Variants in ZNF286A observed in about 807,000 individuals in gnomAD.
The protein encoded by ZNF286A is zinc finger protein ZNF286.
In ZNF286A, 34 loss-of-function variants were observed where a neutral mutation model predicts 49.3. That is an observed-to-expected ratio of 0.69 (90% CI 0.52 to 0.92). ZNF286A has a LOEUF of 0.92. Among genes scored for constraint, ZNF286A ranks in the 40% least tolerant of loss-of-function variants. The pLI, the probability that ZNF286A is intolerant of heterozygous loss-of-function variation, is 0.00. For synonymous variants in ZNF286A, 155 were observed against 200.4 expected (o/e 0.77, Z 1.91); for missense variants, 462 against 600.2 (o/e 0.77, Z 2.41).
chr17:15,702,700 T>C (rs1296555001), intron 3 of ZNF286A, among the ~76,000 whole-genome samples: 1 of 152,238 alleles, frequency 6.6e-6, no homozygotes, highest in Non-Finnish European at 1.5e-5. Context: ...CTGTCTCCAT[T>C]GGCTTCTCAA....
intron 3 of ZNF286A, among the ~76,000 whole-genome samples, chr17:15,705,715 A>G (rs62071720): frequency 0.3 from 46,335 of 152,016 alleles, 7,304 homozygotes; most frequent in East Asian, 0.48. Context: ...CCTGTTGTCT[A>G]TGGGTTTACT....
At position 15,709,546 on chromosome 17, in the gene ZNF286A, G is replaced by A. The variant is rs191584272; in HGVS notation, c.334+1299G>A. Among the ~76,000 whole-genome samples, 995 of 151,832 alleles carry A rather than the reference G, an allele frequency of 6.6e-3. 17 individuals carry two copies. The highest frequency in any genetic ancestry group is 0.023 in the African/African-American group (941 of 41,434). On this transcript the variant is annotated intron_variant, in intron 5 of 5. Coordinates refer to ENST00000583566, the MANE Select transcript of ZNF286A (RefSeq NM_001130842.2). ...ACCCTTTTATTCTCTTTCTCCCCTA[G>A]AAGTAACCATTATATCTTGAAATTG...
At chr17:15,710,393 T>G (rs191934550) in intron 5 of ZNF286A, among the ~76,000 whole-genome samples, 156 of 152,320 alleles carry the variant, frequency 1.0e-3, no homozygotes, top group Non-Finnish European at 1.9e-3. Context: ...CAGGTATTTA[T>G]TTTTGTATAT....
At chr17:15,714,412 A>G (rs1340050495) in intron 5 of ZNF286A, among the ~76,000 whole-genome samples, 13 of 152,104 alleles carry the variant, frequency 8.5e-5, no homozygotes, top group African/African-American at 3.1e-4. Context: ...ATACTTGAGG[A>G]TCTTTACCTC....
intron 5 of ZNF286A, among the ~76,000 whole-genome samples, chr17:15,712,881 C>G (rs1329039541): frequency 6.6e-6 from 1 of 152,074 alleles, no homozygotes; most frequent in Non-Finnish European, 1.5e-5. Context: ...TGAAATCTGG[C>G]TTTTACTCAT....
rs770013427 is a variant in ZNF286A, at chr17:15,717,028, A to G, written c.1304A>G (p.Glu435Gly). 6 of 1,614,138 alleles carry G rather than the reference A, an allele frequency of 3.7e-6. No individual in the cohort carries two copies. In the South Asian group the frequency reaches 6.6e-5, roughly 18 times the overall value. ...LVQHQRIHTG[E>G]KPYECNECGK... Reference sequence around the variant, plus strand: ...CAACATCAGAGAATTCACACTGGAGAGAAACCCTATGAGTGTAATGAATGT... The same window carrying G: ...CAACATCAGAGAATTCACACTGGAGGGAAACCCTATGAGTGTAATGAATGT... The change falls in exon 6 of 6, where the codon GAG becomes GGG. Residue 435 changes from glutamate to glycine, a missense_variant. By Grantham distance (98) the Glu-to-Gly change is moderately conservative. Around this residue, in one of 3 missense-constraint regions of ZNF286A, gnomAD observed 201 missense variants for 311.3 expected, o/e 0.65. Coordinates refer to ENST00000583566, the MANE Select transcript of ZNF286A (RefSeq NM_001130842.2).
chr17:15,714,937 T>A (rs1441271581), intron 5 of ZNF286A, among the ~76,000 whole-genome samples: 1 of 152,082 alleles, frequency 6.6e-6, no homozygotes, highest in Non-Finnish European at 1.5e-5. Context: ...ATCTATGTTT[T>A]GTTCACTGAC....
intron 5 of ZNF286A, among the ~76,000 whole-genome samples, chr17:15,713,051 T>C (rs1966869937): frequency 6.6e-6 from 1 of 152,214 alleles, no homozygotes; most frequent in Non-Finnish European, 1.5e-5. Context: ...ATAGTTACTA[T>C]ACTACAAGTT....
intron 3 of ZNF286A, chr17:15,704,771 G>C: frequency 6.2e-7 from 1 of 1,614,034 alleles, no homozygotes; most frequent in Non-Finnish European, 8.5e-7. Flanking sequence ...ATGGTGACCT[G>C]GAGGTCGGTG....
At position 15,701,146 on chromosome 17, in the gene ZNF286A, C is replaced by T. The variant is rs1433779607; in HGVS notation, c.38-6C>T. On this transcript the variant is annotated splice_polypyrimidine_tract_variant and splice_region_variant and intron_variant, in intron 2 of 5. Coordinates refer to ENST00000583566, the MANE Select transcript of ZNF286A (RefSeq NM_001130842.2). ...GGTCTCATCATTACTGCTTTCTTGT[C>T]GTTAGCTCTGTCTTCCCAGGATTCT... 7 of 1,613,946 alleles carry T rather than the reference C, an allele frequency of 4.3e-6. No homozygotes were observed. The highest frequency in any genetic ancestry group is 5.1e-6 in the Non-Finnish European group (6 of 1,179,994).
intron 5 of ZNF286A, among the ~76,000 whole-genome samples, chr17:15,709,457 A>G (rs1016894014): frequency 3.3e-5 from 5 of 152,100 alleles, no homozygotes; most frequent in African/African-American, 1.2e-4. Context: ...ATGCCATTGC[A>G]CTCCAGCCTG....
chr17:15,704,761 A>G (rs1990074936), intron 3 of ZNF286A: 10 of 1,614,004 alleles, frequency 6.2e-6, no homozygotes, highest in Non-Finnish European at 7.6e-6. Context: ...AGGGCCCTCG[A>G]TGGTGACCTG....
chr17:15,710,247 G>A (rs1354388788), intron 5 of ZNF286A, among the ~76,000 whole-genome samples: 2 of 151,898 alleles, frequency 1.3e-5, no homozygotes. Context: ...TTTATTTTCT[G>A]GTGTGTTAGG....
rs938323059 is a variant in ZNF286A, at chr17:15,711,868, C to T, written c.334+3621C>T. Among the ~76,000 whole-genome samples the T allele has an allele frequency of 0.01, 954 of 92,416 alleles. 107 individuals are homozygous for T. The East Asian group carries it at 0.21, about 20-fold the overall frequency. The allele number at this position is 92,416 out of a possible 152,430, so 60.6% of individuals were successfully genotyped here. A position where few individuals can be genotyped will look rare whatever the true frequency, so the allele number is the denominator to read the frequency against. On this transcript the variant is annotated intron_variant, in intron 5 of 5. Coordinates refer to ENST00000583566, the MANE Select transcript of ZNF286A (RefSeq NM_001130842.2). ...GCATTTATCTGTAATCTGCCCCCCC[C>T]CCGGCTTTTTTTTTTTTTTTTGAGA...
chr17:15,711,862 C>CG (rs1256396611), intron 5 of ZNF286A, among the ~76,000 whole-genome samples: 13 of 97,754 alleles, frequency 1.3e-4, no homozygotes, highest in East Asian at 3.3e-4. Context: ...TGTAATCTGC[C>CG]CCCCCCCCGG....
intron 1 of ZNF286A, 175 bp downstream of exon 1, chr17:15,699,952 G>C (rs1989640747): frequency 3.2e-6 from 2 of 623,696 alleles, no homozygotes; most frequent in Non-Finnish European, 5.7e-6. Context: ...GGACGCGGTT[G>C]TGCCACGGGC....
At chr17:15,713,017 G>C (rs2649413) in intron 5 of ZNF286A, among the ~76,000 whole-genome samples, 66,151 of 151,864 alleles carry the variant, frequency 0.44, 15,249 homozygotes, top group African/African-American at 0.58. Context: ...AAAGATGTTT[G>C]ATTTATGTAG....
intron 5 of ZNF286A, 191 bp downstream of exon 5, chr17:15,708,438 C>T (rs922789675): frequency 4.9e-5 from 20 of 411,326 alleles, no homozygotes; most frequent in East Asian, 2.9e-4. Flanking sequence ...AGATTAGACA[C>T]GTACTAATAT....
rs535038526 is a variant in ZNF286A, at chr17:15,717,257, A to G, written c.1533A>G (p.Arg511=). The change falls in exon 6 of 6, where the codon AGA becomes AGG. Residue 511 remains arginine, a synonymous_variant. Transcript: ENST00000583566. ...KSFKCSSSLI[R]HQRVHTEEQP The stretch of plus-strand genomic sequence containing the variant: ...TTAAGTGCAGTTCATCTCTCATCAG[A>G]CATCAAAGAGTTCACACTGAAGAGC... 1.9e-6 allele frequency: 3 copies of G among 1,604,922 alleles called. No individual in the cohort carries two copies. Among genetic ancestry groups the G allele is most frequent in the African/African-American group, 1.3e-5 (1 of 74,228 alleles).
Sources: gnomAD v4.1 joint callset for allele counts (sites outside exome capture counted in the v4.1 genomes callset) on GRCh38, gnomAD v4.1.1 for gene constraint, gnomAD v4.1.1 regional missense constraint, MANE v1.5 for transcripts, NCBI Gene and HGNC (gene_info 2026-07-23, HGNC 2026-07-21) for gene names.